The following ALG9 variants were observed in gnomAD, a reference collection of about 807,000 sequenced individuals.
The protein encoded by ALG9 is alpha-1,2-mannosyltransferase ALG9.
ALG9 carries 55 observed loss-of-function variants against 81.8 expected under a neutral mutation model. The observed-to-expected ratio is 0.67, with a 90% CI of 0.54 to 0.84. The LOEUF (loss-of-function observed/expected upper bound fraction) is 0.84. ALG9 is among the 40% of genes least tolerant of loss of function. The pLI is 0.00. For missense variants in ALG9, 629 were observed against 745.0 expected (o/e 0.84, Z 1.81); for synonymous variants, 278 against 274.3 (o/e 1.01, Z -0.13).
At chr11:111,816,395 C>T (rs532529730) in intron 13 of ALG9, among the ~76,000 whole-genome samples, 29 of 151,968 alleles carry the variant, frequency 1.9e-4, no homozygotes, top group Middle Eastern at 3.5e-3. Context: ...TACGGGCATG[C>T]GCCACCAGGC....
intron 9 of ALG9, among the ~76,000 whole-genome samples, chr11:111,842,956 T>C (rs1956447892): frequency 6.6e-6 from 1 of 151,570 alleles, no homozygotes; most frequent in Non-Finnish European, 1.5e-5. Context: ...ATTATTGTTG[T>C]TTTTAAAAAC....
At chr11:111,866,665 T>C (rs1366750738) in intron 3 of ALG9, among the ~76,000 whole-genome samples, 1 of 151,648 alleles carries the variant, frequency 6.6e-6, no homozygotes, top group East Asian at 1.9e-4. Flanking sequence ...GGAAGAATTC[T>C]GTGTTGAACA....
intron 6 of ALG9, among the ~76,000 whole-genome samples, chr11:111,856,085 T>G (rs1416844471): frequency 1.3e-5 from 2 of 152,046 alleles, no homozygotes; most frequent in Non-Finnish European, 2.9e-5. Context: ...GAGACCAGCC[T>G]GGCCAATATG....
At chr11:111,820,417 G>A (rs561173219) in intron 13 of ALG9, among the ~76,000 whole-genome samples, 85 of 152,336 alleles carry the variant, frequency 5.6e-4, no homozygotes, top group African/African-American at 2.0e-3. Context: ...CAAAGACAGG[G>A]CAAGAGACAG....
chr11:111,857,853 C>T (rs1322497159), intron 5 of ALG9, 116 bp from the exon 6 acceptor site: 7 of 1,169,486 alleles, frequency 6.0e-6, no homozygotes, highest in East Asian at 2.6e-5. Flanking sequence ...TAAACAGGTA[C>T]ATAATTGGGG....
intron 13 of ALG9, among the ~76,000 whole-genome samples, chr11:111,832,272 T>G (rs1426063106): frequency 6.6e-6 from 1 of 152,148 alleles, no homozygotes; most frequent in Non-Finnish European, 1.5e-5. Context: ...ATTTTTAATC[T>G]TTTTTTAATT....
the ALG9 span, among the ~76,000 whole-genome samples, chr11:111,773,418 T>C: frequency 2.0e-5 from 3 of 152,096 alleles, no homozygotes; most frequent in Non-Finnish European, 2.9e-5. Context: ...CTAATTTTTG[T>C]ATTTTTAGTA....
downstream of ALG9, among the ~76,000 whole-genome samples, chr11:111,779,762 C>T (rs896511774): frequency 2.0e-5 from 3 of 151,792 alleles, no homozygotes; most frequent in Admixed American, 2.0e-4. Context: ...TATGAGAATT[C>T]ACTGAAAAAA....
In ALG9 at chr11:111,870,305, A is replaced by G; in HGVS notation, c.197T>C (p.Leu66Pro). 6.2e-7 allele frequency: 1 copy of G among 1,612,074 alleles called. No homozygotes were observed. The part of the protein sequence containing the change: ...PEGSTAFKCL[L>P]SARLCAALLS... ...GAGAGCAGCACATAACCTTGCTGAA[A>G]GCAGACACTTGAAAGCAGTAGATCC... Residue 66 changes from leucine (L) to proline (P), a missense_variant, in exon 2 of 15, where the codon CTT (leucine) becomes CCT (proline). Leu to Pro is a moderately conservative substitution (Grantham distance 98, BLOSUM62 -3). Around this residue, in one of 3 missense-constraint regions of ALG9, gnomAD observed 344 missense variants for 390.5 expected, o/e 0.88. Transcript: ENST00000616540.
chr11:111,829,847 A>G (rs1429000696), intron 13 of ALG9, among the ~76,000 whole-genome samples: 1 of 152,200 alleles, frequency 6.6e-6, no homozygotes, highest in Non-Finnish European at 1.5e-5. Context: ...TAAGCCTCTA[A>G]CAGTACTCAT....
chr11:111,844,847 G>C lies in ALG9; in HGVS notation c.896-124C>G, dbSNP rs1346180. On this transcript the variant is annotated intron_variant, in intron 8 of 14. Transcript: ENST00000616540. ...TCCTATGCCTCATGGGAATGAGAGT[G>C]CACAGCCCACTCTTCCCATGCTAAG... 0.28 allele frequency: 296,643 copies of C among 1,046,264 alleles called. 43,339 individuals carry two copies. The highest frequency in any genetic ancestry group is 0.35 in the Middle Eastern group (1,291 of 3,650). 64.8% of individuals were successfully genotyped at this position (1,046,264 alleles called of 1,614,324 possible). A position where few individuals can be genotyped will look rare whatever the true frequency, so the allele number is the denominator to read the frequency against.
At chr11:111,810,130 C>T (rs1259294092) in intron 13 of ALG9, among the ~76,000 whole-genome samples, 2 of 152,162 alleles carry the variant, frequency 1.3e-5, no homozygotes, top group African/African-American at 4.8e-5. Flanking sequence ...TCTTATTCCA[C>T]AGACTCAAAG....
At chr11:111,819,817 T>A (rs1465575725) in intron 13 of ALG9, among the ~76,000 whole-genome samples, 2 of 152,232 alleles carry the variant, frequency 1.3e-5, no homozygotes, top group African/African-American at 4.8e-5. Context: ...TCTGTCTTTA[T>A]AAGCACAATA....
At chr11:111,849,223 G>A (rs1436577210) in intron 8 of ALG9, among the ~76,000 whole-genome samples, 1 of 151,928 alleles carries the variant, frequency 6.6e-6, no homozygotes, top group Non-Finnish European at 1.5e-5. Flanking sequence ...GCTAATTTTT[G>A]TATTTTTAGT....
chr11:111,826,715 C>T (rs554121887), intron 13 of ALG9, among the ~76,000 whole-genome samples: 15 of 152,264 alleles, frequency 9.9e-5, no homozygotes, highest in Admixed American at 4.6e-4. Flanking sequence ...ATTTCAGGGA[C>T]GCTCTGCAGG....
chr11:111,860,688 C>A, intron 4 of ALG9, 53 bp from the exon 5 acceptor site: 2 of 1,400,832 alleles, frequency 1.4e-6, no homozygotes, highest in South Asian at 2.4e-5. Context: ...ATAGACATTT[C>A]AAATCAAAGG....
intron 13 of ALG9, chr11:111,828,778 TA>T (rs1229705443): frequency 2.0e-5 from 3 of 152,186 alleles, no homozygotes; most frequent in Non-Finnish European, 2.9e-5. Flanking sequence ...CCATTACAGT[TA>T]TTTTTTTTCC....
intron 13 of ALG9, among the ~76,000 whole-genome samples, chr11:111,820,724 G>T (rs1952195346): frequency 6.6e-6 from 1 of 152,144 alleles, no homozygotes; most frequent in South Asian, 2.1e-4. Context: ...AGAACTTTCT[G>T]CATGTAAAGA....
intron 8 of ALG9, among the ~76,000 whole-genome samples, chr11:111,849,200 A>G (rs1019819877): frequency 6.6e-6 from 1 of 151,954 alleles, no homozygotes; most frequent in Non-Finnish European, 1.5e-5. Flanking sequence ...AAAGGCATGC[A>G]CCACCACGCC....
Sources: allele counts gnomAD v4.1 joint callset (sites outside exome capture counted in the v4.1 genomes callset), GRCh38; gene constraint gnomAD v4.1.1; regional missense constraint gnomAD v4.1.1; transcripts MANE v1.5; gene names NCBI Gene and HGNC (gene_info 2026-07-23, HGNC 2026-07-21).